The following AKAP19 variants were observed in gnomAD, a reference collection of about 807,000 sequenced individuals.
AKAP19 encodes the protein small A-kinase anchoring protein.
At chr2:190,174,138 C>T in the AKAP19 span, among the ~76,000 whole-genome samples, 1 of 152,228 alleles carries the variant, frequency 6.6e-6, no homozygotes, top group South Asian at 2.1e-4. Flanking sequence ...AGGGGAAAAA[C>T]ATAGCAGTAG....
the AKAP19 span, among the ~76,000 whole-genome samples, chr2:189,987,387 C>T: frequency 6.6e-6 from 1 of 152,162 alleles, no homozygotes; most frequent in Non-Finnish European, 1.5e-5. Context: ...ATGTCTTTAT[C>T]AACTGCATGA....
chr2:190,062,109 T>C, the AKAP19 span: 1 of 1,073,642 alleles, frequency 9.3e-7, no homozygotes. Flanking sequence ...TTTTCCTTTC[T>C]ACTTACATAC....
the AKAP19 span, among the ~76,000 whole-genome samples, chr2:190,148,944 C>G: frequency 9.4e-6 from 1 of 106,016 alleles, no homozygotes; most frequent in Non-Finnish European, 1.8e-5. Context: ...TTTATCTTTT[C>G]TTTTCTTTCT....
At chr2:189,927,282 C>G in the AKAP19 span, among the ~76,000 whole-genome samples, 1 of 152,130 alleles carries the variant, frequency 6.6e-6, no homozygotes, top group Non-Finnish European at 1.5e-5. Flanking sequence ...TTTCTGCTAA[C>G]TATAAAAGTT....
chr2:189,950,334 G>GTTTTTTTTTTTTTTT, the AKAP19 span, among the ~76,000 whole-genome samples: 3 of 137,544 alleles, frequency 2.2e-5, no homozygotes, highest in African/African-American at 8.7e-5. Flanking sequence ...AGCCTTTTTT[G>GTTTTTTTTTTTTTTT]TTTTTTTTTT....
chr2:190,002,555 A>T, the AKAP19 span, among the ~76,000 whole-genome samples: 2,648 of 151,916 alleles, frequency 0.017, 76 homozygotes, highest in African/African-American at 0.06. Flanking sequence ...TAATAAATTT[A>T]AAAAAAGAAA....
chr2:190,144,242 C>A, the AKAP19 span, among the ~76,000 whole-genome samples: 1 of 123,242 alleles, frequency 8.1e-6, no homozygotes, highest in South Asian at 4.0e-4. Flanking sequence ...CAAAAAGGCT[C>A]TAACAGAAAA....
At chr2:190,164,452 G>A in the AKAP19 span, among the ~76,000 whole-genome samples, 5 of 152,106 alleles carry the variant, frequency 3.3e-5, no homozygotes, top group African/African-American at 1.2e-4. Flanking sequence ...GATTGCTTGA[G>A]CCGTGGGGTG....
chr2:189,950,800 C>T, the AKAP19 span, among the ~76,000 whole-genome samples: 1 of 152,222 alleles, frequency 6.6e-6, no homozygotes, highest in Non-Finnish European at 1.5e-5. Context: ...ACATCTTGTC[C>T]TGCCATTGAG....
At chr2:190,098,274 C>T in the AKAP19 span, among the ~76,000 whole-genome samples, 1 of 152,110 alleles carries the variant, frequency 6.6e-6, no homozygotes, top group Non-Finnish European at 1.5e-5. Context: ...CCTGCTTGAT[C>T]CATGGGCTAC....
the AKAP19 span, among the ~76,000 whole-genome samples, chr2:190,093,107 C>T: frequency 1.3e-5 from 2 of 151,992 alleles, no homozygotes; most frequent in Non-Finnish European, 2.9e-5. Flanking sequence ...TATCAGGGCA[C>T]TAGATGAATG....
chr2:190,193,973 G>C, the AKAP19 span, among the ~76,000 whole-genome samples: 2 of 151,974 alleles, frequency 1.3e-5, no homozygotes, highest in African/African-American at 4.8e-5. Flanking sequence ...TCAAAATTTT[G>C]ATGTTTTGGC....
chr2:189,881,506 A>G, the AKAP19 span, among the ~76,000 whole-genome samples: 1 of 152,158 alleles, frequency 6.6e-6, no homozygotes, highest in Non-Finnish European at 1.5e-5. Flanking sequence ...CAAAAGAACA[A>G]TCCTGGAAAA....
At chr2:190,122,153 G>C in the AKAP19 span, among the ~76,000 whole-genome samples, 1 of 152,308 alleles carries the variant, frequency 6.6e-6, no homozygotes, top group African/African-American at 2.4e-5. Flanking sequence ...GTTGAGCTAA[G>C]ACTGCAACCT....
At chr2:189,954,974 G>C in the AKAP19 span, among the ~76,000 whole-genome samples, 2 of 152,060 alleles carry the variant, frequency 1.3e-5, no homozygotes, top group Non-Finnish European at 2.9e-5. Context: ...GGACTTAGGG[G>C]TACAAGTACA....
At chr2:190,088,580 T>C in the AKAP19 span, among the ~76,000 whole-genome samples, 1 of 152,132 alleles carries the variant, frequency 6.6e-6, no homozygotes, top group Non-Finnish European at 1.5e-5. Context: ...AAAATAAATT[T>C]GAGTCAGATA....
chr2:189,973,627 G>T, the AKAP19 span, among the ~76,000 whole-genome samples: 1 of 152,076 alleles, frequency 6.6e-6, no homozygotes, highest in Non-Finnish European at 1.5e-5. Flanking sequence ...ACTTTTTTTG[G>T]TTGGTAGGCT....
At chr2:189,894,947 A>C in the AKAP19 span, among the ~76,000 whole-genome samples, 2 of 151,934 alleles carry the variant, frequency 1.3e-5, no homozygotes, top group South Asian at 4.1e-4. Context: ...AATCAAATAT[A>C]AAATATTGAG....
chr2:190,177,026 G>T, the AKAP19 span, among the ~76,000 whole-genome samples: 1 of 152,048 alleles, frequency 6.6e-6, no homozygotes, highest in South Asian at 2.1e-4. This position sits in a 1 kb window ranked among gnomAD's most constrained non-coding sequence, Gnocchi z 4.6. Flanking sequence ...CCAGTGGACT[G>T]TTATTATATG....
Sources: gnomAD v4.1 joint callset for allele counts (sites outside exome capture counted in the v4.1 genomes callset) on GRCh38, gnomAD v4.1.1 for gene constraint, Gnocchi (gnomAD v3.1) non-coding constraint, MANE v1.5 for transcripts, NCBI Gene and HGNC (gene_info 2026-07-23, HGNC 2026-07-21) for gene names.